TPP2: variants seen among roughly 807,000 people sequenced by gnomAD.
TPP2 encodes tripeptidyl-peptidase 2.
Under a neutral mutation model 155.9 loss-of-function variants are expected in TPP2, and 34 were observed. The ratio of observed to expected loss-of-function variants is 0.22; its 90% confidence interval spans 0.17 to 0.29. The LOEUF (loss-of-function observed/expected upper bound fraction) is 0.29, where lower values mean the gene tolerates loss of function less well. Ranked by LOEUF, TPP2 falls within the 10% of genes least tolerant of loss-of-function variation. The pLI, the probability that TPP2 is intolerant of heterozygous loss-of-function variation, is 1.00. For synonymous variants in TPP2, 510 were observed against 529.4 expected (o/e 0.96, Z 0.50); for missense variants, 1,028 against 1,522.3 (o/e 0.68, Z 5.40).
At chr13:102,666,436 G>A (rs1884601104) in intron 27 of TPP2, among the ~76,000 whole-genome samples, 1 of 152,260 alleles carries the variant, frequency 6.6e-6, no homozygotes, top group Admixed American at 6.5e-5. Flanking sequence ...CTTATTGCAA[G>A]AGGAGGCTGG....
intron 24 of TPP2, among the ~76,000 whole-genome samples, chr13:102,656,044 C>T (rs780223793): frequency 2.0e-5 from 3 of 152,090 alleles, no homozygotes; most frequent in Non-Finnish European, 4.4e-5. Context: ...CCCATTTCTG[C>T]GACCCATTTT....
intron 4 of TPP2, among the ~76,000 whole-genome samples, chr13:102,617,138 A>T (rs1329243104): frequency 3.3e-5 from 5 of 149,716 alleles, no homozygotes; most frequent in Non-Finnish European, 4.5e-5. Flanking sequence ...CTGGTCTTGA[A>T]CTCCCAACCT....
chr13:102,631,255 C>T (rs906306069), intron 10 of TPP2: 6 of 152,124 alleles, frequency 3.9e-5, no homozygotes, highest in African/African-American at 1.4e-4. Context: ...CTTTGAGTTA[C>T]AGATATCTTC....
At chr13:102,626,431 T>G (rs148719386) in intron 6 of TPP2, among the ~76,000 whole-genome samples, 1 of 152,216 alleles carries the variant, frequency 6.6e-6, no homozygotes, top group Non-Finnish European at 1.5e-5. Context: ...TTTTAAGTTT[T>G]TGAATTTTAT....
intron 16 of TPP2, among the ~76,000 whole-genome samples, chr13:102,641,111 G>A (rs1882738563): frequency 1.3e-5 from 2 of 152,170 alleles, no homozygotes; most frequent in Admixed American, 1.3e-4. Context: ...GTAAATGATT[G>A]CCTAACACAA....
intron 6 of TPP2, among the ~76,000 whole-genome samples, chr13:102,625,065 G>GA (rs1881484685): frequency 6.6e-6 from 1 of 150,830 alleles, no homozygotes; most frequent in Non-Finnish European, 1.5e-5. Flanking sequence ...TCACCATGTT[G>GA]GTCAGGCTAG....
intron 1 of TPP2, among the ~76,000 whole-genome samples, chr13:102,601,499 C>G (rs1031668491): frequency 2.6e-5 from 4 of 152,212 alleles, no homozygotes; most frequent in Non-Finnish European, 5.9e-5. Context: ...AGATTCTTGA[C>G]ATTTTGGGAA....
At chr13:102,663,336 C>G (rs1007585507) in intron 25 of TPP2, among the ~76,000 whole-genome samples, 3 of 151,990 alleles carry the variant, frequency 2.0e-5, no homozygotes, top group African/African-American at 7.2e-5. Context: ...TTAGTAGAGA[C>G]GGGGTTTCAC....
At chr13:102,661,250 CT>C (rs35157211) in intron 25 of TPP2, among the ~76,000 whole-genome samples, 139 of 124,098 alleles carry the variant, frequency 1.1e-3, no homozygotes, top group Admixed American at 1.7e-3. Context: ...GAACGCTAAC[CT>C]TTTTTTTTTT....
chr13:102,643,047 A>G (rs948932284), intron 16 of TPP2, among the ~76,000 whole-genome samples, 175 bp from the exon 17 acceptor site: 3 of 151,996 alleles, frequency 2.0e-5, no homozygotes, highest in African/African-American at 7.3e-5. Context: ...CTTTATTAAT[A>G]TTTTGTTGAT....
chr13:102,656,143 AAATAG>A (rs1344414517), intron 24 of TPP2, among the ~76,000 whole-genome samples: 4 of 152,114 alleles, frequency 2.6e-5, no homozygotes, highest in African/African-American at 9.7e-5. Flanking sequence ...TCTATTTTCC[AAATAG>A]AATACAAACC....
rs1236507956 is a variant in TPP2 at position 102,622,867 on chromosome 13, T to C, written c.621-10T>C. ...AAATTTTACTGTCTCCATTTCTTTTTAATTAATAGAGCCTGCATTGATTCT... is the reference window on the plus strand; with the variant it reads ...AAATTTTACTGTCTCCATTTCTTTTCAATTAATAGAGCCTGCATTGATTCT... On this transcript the variant is annotated splice_polypyrimidine_tract_variant and intron_variant, in intron 5 of 29. Transcript: ENST00000376052. 1 of 1,589,238 alleles carries C rather than the reference T, an allele frequency of 6.3e-7. No homozygotes were observed. The highest frequency in any genetic ancestry group is 1.9e-5 in the Admixed American group (1 of 52,146).
chr13:102,604,736 G>A (rs1324104058), intron 1 of TPP2, 57 bp from the exon 2 acceptor site: 4 of 1,557,790 alleles, frequency 2.6e-6, no homozygotes, highest in Non-Finnish European at 2.6e-6. Flanking sequence ...GATTTGCATT[G>A]TTTAGGAATA....
At chr13:102,611,594 G>T (rs1434310111) in intron 2 of TPP2, among the ~76,000 whole-genome samples, 1 of 152,188 alleles carries the variant, frequency 6.6e-6, no homozygotes, top group Non-Finnish European at 1.5e-5. Flanking sequence ...AGAACACAGA[G>T]GTTGCAGTGA....
chr13:102,603,449 G>A (rs891208956), intron 1 of TPP2, among the ~76,000 whole-genome samples: 4 of 152,136 alleles, frequency 2.6e-5, no homozygotes, highest in African/African-American at 9.7e-5. Flanking sequence ...TCTGCAGGAG[G>A]GACTTTAATA....
Position 102,597,161 on chromosome 13 carries a change from A to G in TPP2, c.123A>G (p.Ala41=), listed in dbSNP as rs2139390700. The change falls in exon 1 of 30, where the codon GCA becomes GCG. Residue 41 remains alanine, a synonymous_variant. Coordinates refer to ENST00000376052, the MANE Select transcript of TPP2 (RefSeq NM_001330588.2). ...PEYDGRGVLI[A]VLDTGVDPGA... is the part of the protein sequence containing the mutation. ...ATGATGGGCGGGGGGTGCTCATCGC[A>G]GTCCTGGACACGGGGGTCGACCCGG... 1.9e-6 allele frequency: 3 copies of G among 1,589,482 alleles called. No homozygotes were observed. Among genetic ancestry groups the G allele is most frequent in the Non-Finnish European group, 2.6e-6 (3 of 1,168,650 alleles).
intron 5 of TPP2, among the ~76,000 whole-genome samples, chr13:102,619,903 A>T (rs1428816944): frequency 4.6e-5 from 7 of 152,220 alleles, no homozygotes; most frequent in East Asian, 1.9e-4. Flanking sequence ...GGGTAACATG[A>T]TACAGTCACA....
At chr13:102,644,471 G>T (rs370454215) in intron 17 of TPP2, 86 bp from the exon 18 acceptor site, 1 of 1,064,462 alleles carries the variant, frequency 9.4e-7, no homozygotes, top group Non-Finnish European at 1.3e-6. Context: ...TTTGAAAACA[G>T]AATTGCTCTG....
chr13:102,665,882 A>G (rs982132727), intron 27 of TPP2, among the ~76,000 whole-genome samples: 1 of 152,214 alleles, frequency 6.6e-6, no homozygotes, highest in African/African-American at 2.4e-5. Flanking sequence ...TATATCATTT[A>G]TATTGATACT....
Sources: allele counts gnomAD v4.1 joint callset (sites outside exome capture counted in the v4.1 genomes callset), GRCh38; gene constraint gnomAD v4.1.1; transcripts MANE v1.5; gene names NCBI Gene and HGNC (gene_info 2026-07-23, HGNC 2026-07-21).